The following LGR6 variants were observed in gnomAD, a reference collection of about 807,000 sequenced individuals.
LGR6 encodes the protein leucine-rich repeat-containing G protein-coupled receptor 6.
In LGR6, 45 loss-of-function variants were observed where a neutral mutation model predicts 69.4. The ratio of observed to expected loss-of-function variants is 0.65; its 90% CI spans 0.51 to 0.83. The LOEUF (loss-of-function observed/expected upper bound fraction) is 0.83. Among genes scored for constraint, LGR6 ranks in the 40% least tolerant of loss-of-function variants. The probability of loss-of-function intolerance (pLI) is 0.00; values close to 1 mark genes in which losing one functional copy is unlikely to be tolerated. For missense variants in LGR6, 1,108 were observed against 1,246.7 expected (o/e 0.89, Z 1.68); for synonymous variants, 538 against 555.0 (o/e 0.97, Z 0.43).
At chr1:202,203,011 G>C (rs1031862032) in intron 1 of LGR6, among the ~76,000 whole-genome samples, 1 of 152,118 alleles carries the variant, frequency 6.6e-6, no homozygotes, top group Admixed American at 6.5e-5. Flanking sequence ...GGAGGGGGAG[G>C]AGCAGAGGAG....
chr1:202,291,188 G>A (rs566480705), intron 6 of LGR6, among the ~76,000 whole-genome samples: 1 of 152,308 alleles, frequency 6.6e-6, no homozygotes, highest in South Asian at 2.1e-4. Context: ...ACTGAGCTCT[G>A]GCTGGAGTTG....
chr1:202,306,791 C>T (rs1309649452), intron 12 of LGR6, 77 bp from the exon 13 acceptor site: 2 of 1,331,834 alleles, frequency 1.5e-6, no homozygotes, highest in Non-Finnish European at 2.2e-6. Flanking sequence ...TACTTTCTTC[C>T]TCCCAGTGCT....
intron 4 of LGR6, among the ~76,000 whole-genome samples, chr1:202,243,987 C>T (rs757711271): frequency 1.9e-4 from 29 of 151,988 alleles, no homozygotes; most frequent in Non-Finnish European, 3.7e-4. Flanking sequence ...GATGGAGTCT[C>T]GCTCTGTCAC....
rs788795 is a variant in LGR6, at chr1:202,318,078, T to C, written c.1775T>C (p.Val592Ala). ...VLLTVFAGGP[V>A]PLPPVKFVVG... ...CTGACCGTGTTCGCTGGCGGGCCTG[T>C]CCCCCTGCCCCCGGTCAAGTTTGTG... The change falls in exon 18 of 18, where the codon GTC becomes GCC. Residue 592 changes from valine (V) to alanine (A), a missense_variant. Val to Ala is a moderately conservative substitution (Grantham distance 64). Coordinates refer to ENST00000367278, the MANE Select transcript of LGR6 (RefSeq NM_001017403.2). 0.62 allele frequency: 1,001,076 copies of C among 1,613,952 alleles called. 315,106 individuals are homozygous for C. The highest frequency in any genetic ancestry group is 0.75 in the Admixed American group (44,775 of 60,022).
chr1:202,204,456 CA>C (rs1303446054), intron 1 of LGR6, among the ~76,000 whole-genome samples: 2 of 110,364 alleles, frequency 1.8e-5, no homozygotes, highest in African/African-American at 3.5e-5. Flanking sequence ...TCCACACACA[CA>C]CACCTCCACA....
At chr1:202,197,749 C>T (rs73085674) in intron 1 of LGR6, among the ~76,000 whole-genome samples, 1,549 of 152,274 alleles carry the variant, frequency 0.01, 32 homozygotes, top group African/African-American at 0.036. Context: ...TGTTCTATTC[C>T]ATTGCATGTG....
chr1:202,239,635 G>A (rs1442808664), intron 4 of LGR6, among the ~76,000 whole-genome samples: 1 of 152,142 alleles, frequency 6.6e-6, no homozygotes, highest in Non-Finnish European at 1.5e-5. Context: ...CTAAACCAAG[G>A]CAGCATGTTA....
chr1:202,197,571 C>T lies in LGR6; in HGVS notation c.212+3370C>T, dbSNP rs112218555. Reference sequence around the variant, plus strand: ...TCTGGGACATCCAATCTGATGGTGACGAGAAGGCATGATGCCTCTTGTTCT... The same window carrying T: ...TCTGGGACATCCAATCTGATGGTGATGAGAAGGCATGATGCCTCTTGTTCT... On this transcript the variant is annotated intron_variant, in intron 1 of 17. Coordinates refer to ENST00000367278, the MANE Select transcript of LGR6 (RefSeq NM_001017403.2). The T allele has an allele frequency of 8.5e-3, 3,540 of 417,994 alleles. 75 individuals carry two copies. Among genetic ancestry groups the T allele is most frequent in the African/African-American group, 0.048 (2,294 of 47,312 alleles). 25.9% of individuals were successfully genotyped at this position (417,994 alleles called of 1,614,324 possible).
intron 6 of LGR6, among the ~76,000 whole-genome samples, chr1:202,281,626 C>G (rs1666013738): frequency 6.6e-6 from 1 of 152,098 alleles, no homozygotes; most frequent in Admixed American, 6.5e-5. Flanking sequence ...CCATGGCCAC[C>G]TGGTACAGGC....
intron 10 of LGR6, among the ~76,000 whole-genome samples, chr1:202,304,094 T>G (rs1441021114): frequency 6.6e-6 from 1 of 152,154 alleles, no homozygotes; most frequent in Non-Finnish European, 1.5e-5. Context: ...ATCCCATCTC[T>G]TCTCCCTCCT....
chr1:202,254,899 CAAAA>C (rs71890535), intron 4 of LGR6, among the ~76,000 whole-genome samples: 2 of 124,404 alleles, frequency 1.6e-5, no homozygotes, highest in East Asian at 4.1e-4. Flanking sequence ...TCTGTCTCTA[CAAAA>C]AAAAAAAAAA....
intron 4 of LGR6, among the ~76,000 whole-genome samples, chr1:202,252,718 G>A (rs1663372616): frequency 1.3e-5 from 2 of 152,224 alleles, no homozygotes; most frequent in Admixed American, 6.5e-5. Flanking sequence ...ACACTAAATG[G>A]TAGCCTTTTG....
At chr1:202,206,214 C>A (rs951654526) in intron 1 of LGR6, among the ~76,000 whole-genome samples, 1 of 152,208 alleles carries the variant, frequency 6.6e-6, no homozygotes, top group East Asian at 1.9e-4. Context: ...GTGGACAGAG[C>A]AGATTAGGAG....
At chr1:202,230,087 G>T (rs549781922) in intron 3 of LGR6, among the ~76,000 whole-genome samples, 39 of 152,240 alleles carry the variant, frequency 2.6e-4, no homozygotes, top group African/African-American at 8.7e-4. Context: ...CTGGGCCTGG[G>T]ACCCTTATCT....
chr1:202,297,600 T>A, intron 7 of LGR6, 24 bp downstream of exon 7: 2 of 1,607,024 alleles, frequency 1.2e-6, no homozygotes, highest in Non-Finnish European at 1.7e-6. Context: ...TTGGTTTCTG[T>A]GGGTGTCCTT....
chr1:202,219,525 C>T (rs896141367), intron 1 of LGR6, among the ~76,000 whole-genome samples: 1 of 152,174 alleles, frequency 6.6e-6, no homozygotes, highest in Non-Finnish European at 1.5e-5. Context: ...GATTGGGTGC[C>T]GGCTTGGAAC....
intron 4 of LGR6, among the ~76,000 whole-genome samples, chr1:202,237,051 G>A (rs1039930138): frequency 6.6e-5 from 10 of 152,144 alleles, no homozygotes; most frequent in African/African-American, 2.4e-4. Flanking sequence ...CGTGGTGAGG[G>A]CTTTCCTCTC....
rs1223381702 is a variant in LGR6 at position 202,307,490 on chromosome 1, C to T, written c.1280+89C>T. 5.8e-6 allele frequency: 6 copies of T among 1,041,064 alleles called. No homozygotes were observed. In the East Asian group the frequency reaches 9.5e-5, roughly 16 times the overall value. The allele number at this position is 1,041,064 out of a possible 1,614,324, so 64.5% of individuals were successfully genotyped here. A position where few individuals can be genotyped will look rare whatever the true frequency, so the allele number is the denominator to read the frequency against. The stretch of plus-strand genomic sequence containing the variant: ...TGGAGGCAGAAGGGCCACCCCAGAG[C>T]AGGAACATGCATATCCCAGGGAGAT... On this transcript the variant is annotated intron_variant, in intron 14 of 17. Coordinates refer to ENST00000367278, the MANE Select transcript of LGR6 (RefSeq NM_001017403.2).
chr1:202,276,635 T>C (rs1665583408), intron 5 of LGR6, 114 bp downstream of exon 5: 1 of 853,980 alleles, frequency 1.2e-6, no homozygotes, highest in South Asian at 1.7e-5. Context: ...TGCATGTTGC[T>C]AAACCTTCTG....
Sources: allele counts gnomAD v4.1 joint callset (sites outside exome capture counted in the v4.1 genomes callset), GRCh38; gene constraint gnomAD v4.1.1; transcripts MANE v1.5; gene names NCBI Gene and HGNC (gene_info 2026-07-23, HGNC 2026-07-21).